Variants in CTNND2 observed in about 807,000 individuals in gnomAD.
CTNND2 encodes catenin delta 2.
CTNND2 carries 22 observed loss-of-function variants against 144.4 expected under a neutral mutation model. The ratio of observed to expected loss-of-function variants is 0.15; its 90% CI spans 0.11 to 0.22. The LOEUF (loss-of-function observed/expected upper bound fraction) is 0.22, where lower values mean the gene tolerates loss of function less well. Ranked by LOEUF, CTNND2 falls within the 10% of genes least tolerant of loss-of-function variation. CTNND2 has a pLI of 1.00. For synonymous variants in CTNND2, 751 were observed against 695.6 expected, an observed-to-expected ratio of 1.08 and a Z score of -1.25; for missense variants, 1,353 against 1,618.8, an observed-to-expected ratio of 0.84 and a Z score of 2.82.
At chr5:11,694,693 T>C (rs1479906695) in intron 2 of CTNND2, among the ~76,000 whole-genome samples, 1 of 152,222 alleles carries the variant, frequency 6.6e-6, no homozygotes, top group Admixed American at 6.5e-5. Context: ...TGAGGATGGA[T>C]TGTATATCCA....
chr5:11,502,027 CAAAAAAAAAAA>C (rs547364682), intron 3 of CTNND2, among the ~76,000 whole-genome samples: 4 of 57,266 alleles, frequency 7.0e-5, no homozygotes, highest in East Asian at 1.0e-3. Flanking sequence ...GACTCCATCT[CAAAAAAAAAAA>C]AAAAAAAAAA....
At chr5:11,125,257 G>A (rs867547888) in intron 12 of CTNND2, among the ~76,000 whole-genome samples, 1 of 152,132 alleles carries the variant, frequency 6.6e-6, no homozygotes, top group Non-Finnish European at 1.5e-5. Flanking sequence ...GCAGGGCTAG[G>A]GGGGCAGCAT....
In CTNND2 at chr5:11,903,507, A is replaced by C; in HGVS notation, c.37+310T>G. On this transcript the variant is annotated intron_variant, in intron 1 of 21. Coordinates refer to ENST00000304623, the MANE Select transcript of CTNND2 (RefSeq NM_001332.4). The surrounding 1 kb of genome is among the most constrained non-coding windows in gnomAD (Gnocchi z 5.4). ...TGTTCTCAGGGTGGCGGGGAGCAGC[A>C]TTGTCGGTGTTGCCCTAAATACGCT... 4 of 592,492 alleles carry C rather than the reference A, an allele frequency of 6.8e-6. No individual in the cohort carries two copies. Among genetic ancestry groups the C allele is most frequent in the Non-Finnish European group, 7.1e-6 (3 of 424,308 alleles). The allele number at this position is 592,492 out of a possible 1,614,324, so 36.7% of individuals were successfully genotyped here.
chr5:11,075,813 G>A (rs1748884854), intron 16 of CTNND2, among the ~76,000 whole-genome samples: 2 of 152,260 alleles, frequency 1.3e-5, no homozygotes, highest in Non-Finnish European at 2.9e-5. Context: ...TTTGATTAGA[G>A]TCTGGATTTG....
At chr5:11,870,495 A>G (rs115057953) in intron 1 of CTNND2, among the ~76,000 whole-genome samples, 5 of 152,374 alleles carry the variant, frequency 3.3e-5, no homozygotes, top group African/African-American at 1.2e-4. Context: ...ATTTGCTTAC[A>G]AAGAATATGC....
At chr5:11,176,940 C>T (rs1205436008) in intron 11 of CTNND2, among the ~76,000 whole-genome samples, 1 of 152,176 alleles carries the variant, frequency 6.6e-6, no homozygotes, top group African/African-American at 2.4e-5. Flanking sequence ...AATGACATAA[C>T]AGCATCTAAA....
intron 10 of CTNND2, among the ~76,000 whole-genome samples, chr5:11,219,236 C>G (rs1293571312): frequency 1.3e-5 from 2 of 152,232 alleles, no homozygotes; most frequent in African/African-American, 4.8e-5. Flanking sequence ...TCCTCACCCA[C>G]TTCAACTATT....
At chr5:11,278,642 G>C (rs1264180152) in intron 9 of CTNND2, among the ~76,000 whole-genome samples, 1 of 152,178 alleles carries the variant, frequency 6.6e-6, no homozygotes, top group Non-Finnish European at 1.5e-5. Flanking sequence ...GCTTGAAGAT[G>C]GTGGCCACTT....
At chr5:11,344,220 G>A (rs539448535) in intron 9 of CTNND2, among the ~76,000 whole-genome samples, 3 of 151,716 alleles carry the variant, frequency 2.0e-5, no homozygotes, top group South Asian at 2.1e-4. Context: ...GTGAAACCCC[G>A]TCTCTACTAA....
intron 9 of CTNND2, among the ~76,000 whole-genome samples, chr5:11,274,879 T>C (rs572876150): frequency 2.7e-3 from 418 of 152,320 alleles, no homozygotes; most frequent in Non-Finnish European, 4.5e-3. Context: ...TCTAAAAATA[T>C]ATTAAATATT....
intron 12 of CTNND2, among the ~76,000 whole-genome samples, chr5:11,134,386 G>A (rs572130479): frequency 6.6e-6 from 1 of 152,258 alleles, no homozygotes; most frequent in South Asian, 2.1e-4. Context: ...TTTCAGACTC[G>A]AGAGGCTCCA....
chr5:11,448,452 A>C (rs1390914902), intron 3 of CTNND2, among the ~76,000 whole-genome samples: 1 of 152,118 alleles, frequency 6.6e-6, no homozygotes, highest in African/African-American at 2.4e-5. Flanking sequence ...TGATATTTCA[A>C]GTCTTTCGGG....
chr5:11,494,222 A>C (rs984206461), intron 3 of CTNND2, among the ~76,000 whole-genome samples: 2 of 152,190 alleles, frequency 1.3e-5, no homozygotes, highest in Non-Finnish European at 2.9e-5. Context: ...GATTAAGTGA[A>C]CTTCATGAAC....
chr5:11,884,934 C>T (rs1736407039), intron 1 of CTNND2, among the ~76,000 whole-genome samples: 2 of 151,716 alleles, frequency 1.3e-5, no homozygotes, highest in Admixed American at 6.6e-5. Context: ...GTGTTTTGTC[C>T]ATTCCGTTGA....
intron 2 of CTNND2, among the ~76,000 whole-genome samples, chr5:11,662,407 C>A (rs992918019): frequency 4.6e-5 from 7 of 151,634 alleles, no homozygotes. Flanking sequence ...AGTCCCAAAG[C>A]TGAAGAACTT....
intron 2 of CTNND2, among the ~76,000 whole-genome samples, chr5:11,674,493 T>C (rs1784065702): frequency 6.6e-6 from 1 of 152,212 alleles, no homozygotes; most frequent in Non-Finnish European, 1.5e-5. Context: ...GGTACAATTG[T>C]TATAACTGAT....
chr5:11,507,238 C>T (rs1489404224), intron 3 of CTNND2, among the ~76,000 whole-genome samples: 1 of 152,086 alleles, frequency 6.6e-6, no homozygotes, highest in Non-Finnish European at 1.5e-5. Context: ...GACTGAGAAA[C>T]ATTCAATGGT....
At chr5:11,287,644 C>T (rs559601684) in intron 9 of CTNND2, among the ~76,000 whole-genome samples, 3 of 152,172 alleles carry the variant, frequency 2.0e-5, no homozygotes, top group Admixed American at 2.0e-4. Flanking sequence ...AGTCCATATA[C>T]GACCTTTACA....
intron 1 of CTNND2, among the ~76,000 whole-genome samples, chr5:11,792,070 A>G (rs185491679): frequency 1.3e-5 from 2 of 152,320 alleles, no homozygotes; most frequent in Admixed American, 1.3e-4. Flanking sequence ...TGGGAATGAA[A>G]CCAGAATTTC....
Sources: gnomAD v4.1 joint callset for allele counts (sites outside exome capture counted in the v4.1 genomes callset) on GRCh38, gnomAD v4.1.1 for gene constraint, Gnocchi (gnomAD v3.1) non-coding constraint, MANE v1.5 for transcripts, NCBI Gene and HGNC (gene_info 2026-07-23, HGNC 2026-07-21) for gene names.